CADM2: variants seen among roughly 807,000 people sequenced by gnomAD.
CADM2 encodes cell adhesion molecule 2, also known as immunoglobulin superfamily member 4D.
A neutral mutation model predicts 49.8 loss-of-function variants in CADM2; 12 were observed. The ratio of observed to expected loss-of-function variants is 0.24; its 90% CI spans 0.15 to 0.39. The LOEUF (loss-of-function observed/expected upper bound fraction) is 0.39. CADM2 is among the 10% of genes least tolerant of loss of function. CADM2 has a pLI of 1.00. For missense variants in CADM2, 378 were observed against 492.3 expected, an observed-to-expected ratio of 0.77 and a Z score of 2.20; for synonymous variants, 214 against 175.4, an observed-to-expected ratio of 1.22 and a Z score of -1.74.
At chr3:85,287,165 A>G (rs1226617668) in intron 1 of CADM2, among the ~76,000 whole-genome samples, 1 of 152,120 alleles carries the variant, frequency 6.6e-6, no homozygotes, top group Non-Finnish European at 1.5e-5. Context: ...AAAAACATCA[A>G]ATCAGCAAGG....
At chr3:85,854,789 T>G (rs2075243483) in intron 3 of CADM2, among the ~76,000 whole-genome samples, 1 of 151,962 alleles carries the variant, frequency 6.6e-6, no homozygotes, top group Admixed American at 6.6e-5. Flanking sequence ...TAAAACAAAT[T>G]TAAAAACCAC....
chr3:85,109,276 A>C (rs1418213789), intron 1 of CADM2, among the ~76,000 whole-genome samples: 1 of 152,056 alleles, frequency 6.6e-6, no homozygotes, highest in Non-Finnish European at 1.5e-5. Context: ...GTGTCCATAA[A>C]ATTCATTCTC....
chr3:85,856,874 C>T (rs956285794), intron 3 of CADM2, among the ~76,000 whole-genome samples: 3 of 152,014 alleles, frequency 2.0e-5, no homozygotes, highest in East Asian at 3.9e-4. Flanking sequence ...CATTTTGTGT[C>T]GGGGTAGGAT....
intron 1 of CADM2, among the ~76,000 whole-genome samples, chr3:85,062,946 G>A (rs921680855): frequency 1.3e-5 from 2 of 151,784 alleles, no homozygotes; most frequent in African/African-American, 4.8e-5. Flanking sequence ...GATTTGAATT[G>A]AGGCATCACT....
chr3:85,497,236 T>C (rs146714354), intron 1 of CADM2, among the ~76,000 whole-genome samples: 2 of 152,302 alleles, frequency 1.3e-5, no homozygotes, highest in African/African-American at 4.8e-5. Flanking sequence ...ATTCTGAATA[T>C]TAGTCCCTTC....
rs545382295 is a variant in CADM2 at position 85,806,170 on chromosome 3, G to A, written c.238+3974G>A. ...AGCATGGAAGGAAGAAAAGAAGCGA[G>A]GGAGGGAGGGAGGGAGGGAGGAAGG... On this transcript the variant is annotated intron_variant, in intron 3 of 9. Transcript: ENST00000383699. Among the ~76,000 whole-genome samples, 3 of 150,856 alleles carry A rather than the reference G, an allele frequency of 2.0e-5. No individual in the cohort carries two copies. The South Asian group carries it at 6.4e-4, about 32-fold the overall frequency.
intron 1 of CADM2, among the ~76,000 whole-genome samples, chr3:85,155,934 C>A (rs2040101387): frequency 6.6e-6 from 1 of 152,074 alleles, no homozygotes; most frequent in South Asian, 2.1e-4. Flanking sequence ...GGGACGCATT[C>A]AAAGCAGTGT....
chr3:85,974,071 A>G (rs1033636353), intron 8 of CADM2, among the ~76,000 whole-genome samples: 3 of 151,706 alleles, frequency 2.0e-5, no homozygotes, highest in African/African-American at 7.3e-5. Flanking sequence ...AAAACATGTT[A>G]ATTTATAAGG....
At chr3:86,014,101 TCTG>T in intron 8 of CADM2, 1 of 1,288,614 alleles carries the variant, frequency 7.8e-7, no homozygotes, top group Non-Finnish European at 1.1e-6. Context: ...CTGAAGGAAA[TCTG>T]CCATTTTCAG....
At chr3:85,462,541 A>C (rs1345457950) in intron 1 of CADM2, among the ~76,000 whole-genome samples, 1 of 152,156 alleles carries the variant, frequency 6.6e-6, no homozygotes, top group Non-Finnish European at 1.5e-5. Flanking sequence ...TCAACAGAGT[A>C]ACTCATCACT....
At chr3:85,117,266 T>C (rs1203647981) in intron 1 of CADM2, among the ~76,000 whole-genome samples, 1 of 151,822 alleles carries the variant, frequency 6.6e-6, no homozygotes, top group African/African-American at 2.4e-5. Context: ...TTTTTTCTTC[T>C]AAATATGATG....
intron 1 of CADM2, among the ~76,000 whole-genome samples, chr3:85,279,966 T>G (rs2106883395): frequency 6.6e-6 from 1 of 151,844 alleles, no homozygotes. Context: ...GCAAACATTT[T>G]TTCCTATTCT....
At chr3:85,670,726 A>T (rs1367868944) in intron 1 of CADM2, among the ~76,000 whole-genome samples, 2 of 152,208 alleles carry the variant, frequency 1.3e-5, no homozygotes, top group African/African-American at 4.8e-5. Context: ...TATCTCTGAG[A>T]TAGAGATATA....
chr3:85,854,638 G>T (rs548110508), intron 3 of CADM2, among the ~76,000 whole-genome samples: 9 of 152,196 alleles, frequency 5.9e-5, no homozygotes, highest in African/African-American at 1.4e-4. Flanking sequence ...AGGGGTTGGG[G>T]GTCAAGGGGA....
chr3:84,964,377 CAAGT>C (rs536539919), intron 1 of CADM2, among the ~76,000 whole-genome samples: 2 of 152,140 alleles, frequency 1.3e-5, no homozygotes, highest in African/African-American at 2.4e-5. Flanking sequence ...ATGATTGAGA[CAAGT>C]AAGCCTTATT....
At chr3:85,734,978 A>ATATG (rs1553675925) in intron 2 of CADM2, among the ~76,000 whole-genome samples, 1 of 148,232 alleles carries the variant, frequency 6.7e-6, no homozygotes, top group Admixed American at 6.8e-5. Flanking sequence ...AAATATATAT[A>ATATG]TGTGTGTGTG....
At chr3:85,867,622 T>G (rs1667841216) in intron 3 of CADM2, among the ~76,000 whole-genome samples, 1 of 151,414 alleles carries the variant, frequency 6.6e-6, no homozygotes, top group African/African-American at 2.4e-5. Context: ...CTGTGTAATA[T>G]GTAAATCAAG....
At chr3:85,749,136 C>T (rs557623668) in intron 2 of CADM2, among the ~76,000 whole-genome samples, 1 of 151,874 alleles carries the variant, frequency 6.6e-6, no homozygotes, top group South Asian at 2.1e-4. Context: ...CAGAAAATGT[C>T]AGAACAGGTG....
chr3:85,188,692 A>C (rs574169357), intron 1 of CADM2, among the ~76,000 whole-genome samples: 1 of 152,114 alleles, frequency 6.6e-6, no homozygotes, highest in Non-Finnish European at 1.5e-5. Flanking sequence ...TCTTTTTCTA[A>C]GCGTGAAAAT....
Sources: gnomAD v4.1 joint callset for allele counts (sites outside exome capture counted in the v4.1 genomes callset) on GRCh38, gnomAD v4.1.1 for gene constraint, MANE v1.5 for transcripts, NCBI Gene and HGNC (gene_info 2026-07-23, HGNC 2026-07-21) for gene names.